VPS54: variants seen among roughly 807,000 people sequenced by gnomAD.
The protein encoded by VPS54 is VPS54 subunit of GARP complex.
VPS54 carries 45 observed loss-of-function variants against 121.5 expected under a neutral mutation model. That is an observed-to-expected ratio of 0.37 (90% confidence interval 0.29 to 0.47). The LOEUF (loss-of-function observed/expected upper bound fraction) is 0.47, where lower values mean the gene tolerates loss of function less well. Ranked by LOEUF, VPS54 falls within the 20% of genes least tolerant of loss-of-function variation. The pLI is 0.99. For missense variants in VPS54, 1,090 were observed against 1,131.4 expected, an observed-to-expected ratio of 0.96 and a Z score of 0.52; for synonymous variants, 371 against 385.8, an observed-to-expected ratio of 0.96 and a Z score of 0.45.
intron 22 of VPS54, among the ~76,000 whole-genome samples, chr2:63,896,361 GAGA>G (rs955898839): frequency 3.3e-5 from 5 of 152,110 alleles, no homozygotes; most frequent in Admixed American, 1.3e-4. Flanking sequence ...GGGTGGGAGG[GAGA>G]AGGAGCAAAA....
chr2:63,924,458 G>T (rs1488857415), intron 12 of VPS54, among the ~76,000 whole-genome samples: 1 of 152,156 alleles, frequency 6.6e-6, no homozygotes, highest in Non-Finnish European at 1.5e-5. Flanking sequence ...ATTTGTAAAA[G>T]ACCAAGAAGA....
intron 10 of VPS54, 57 bp downstream of exon 10, chr2:63,944,543 T>A (rs1559011156): frequency 8.8e-6 from 13 of 1,471,322 alleles, no homozygotes; most frequent in Non-Finnish European, 1.2e-5. Context: ...TTATTCTAAT[T>A]TACATCTATC....
chr2:63,939,097 C>A (rs1281577562), intron 11 of VPS54, among the ~76,000 whole-genome samples: 1 of 152,014 alleles, frequency 6.6e-6, no homozygotes, highest in Non-Finnish European at 1.5e-5. Context: ...CCTTTAATTT[C>A]TTTTAAAAAG....
chr2:63,940,380 T>C (rs1459418475), intron 11 of VPS54, among the ~76,000 whole-genome samples: 3 of 152,210 alleles, frequency 2.0e-5, no homozygotes, highest in Non-Finnish European at 4.4e-5. Context: ...GTGGTCCAAA[T>C]GTGAAAATGA....
At chr2:63,932,238 C>T (rs1045538078) in intron 12 of VPS54, among the ~76,000 whole-genome samples, 4 of 152,142 alleles carry the variant, frequency 2.6e-5, no homozygotes, top group Non-Finnish European at 4.4e-5. Flanking sequence ...TTCACAATAG[C>T]AAAGACTTGG....
chr2:63,975,269 T>C (rs1161355116), intron 3 of VPS54: 2 of 406,530 alleles, frequency 4.9e-6, no homozygotes, highest in Admixed American at 3.6e-5. Context: ...GCTGTTCTTG[T>C]CCATTCTTGG....
At chr2:63,989,905 T>G (rs985619225) in intron 1 of VPS54, among the ~76,000 whole-genome samples, 1 of 152,090 alleles carries the variant, frequency 6.6e-6, no homozygotes, top group Admixed American at 6.5e-5. Context: ...CCATGGAAAA[T>G]ATGGTCACTC....
chr2:63,957,351 A>G (rs377463718), intron 7 of VPS54, among the ~76,000 whole-genome samples: 2 of 151,666 alleles, frequency 1.3e-5, no homozygotes, highest in East Asian at 3.9e-4. Flanking sequence ...CTGAGGCAGA[A>G]GAATGGCGTG....
intron 1 of VPS54, among the ~76,000 whole-genome samples, chr2:64,005,086 C>CTTTTTTTTTTTTTTTT (rs1559053926): frequency 1.3e-5 from 1 of 76,604 alleles, no homozygotes; most frequent in African/African-American, 5.8e-5. Flanking sequence ...TCTACTATTG[C>CTTTTTTTTTTTTTTTT]TTCTTTTTTT....
At chr2:63,913,946 T>C in intron 17 of VPS54, 1 of 1,295,890 alleles carries the variant, frequency 7.7e-7, no homozygotes, top group Non-Finnish European at 9.8e-7. Flanking sequence ...AATCATCTCC[T>C]GTCTCCAATG....
rs896733547 is a variant in VPS54 at position 64,009,083 on chromosome 2, C to A, written c.-21+9855G>T. ...TAAGTTTCATGCCTCTGTCTCTGCA[C>A]CAATAAAAAAATTTTAAATTATGTC... On this transcript the variant is annotated intron_variant, in intron 1 of 22. Transcript: ENST00000272322. Among the ~76,000 whole-genome samples, 42 of 152,146 alleles carry A rather than the reference C, an allele frequency of 2.8e-4. 1 individual carries two copies. The highest frequency in any genetic ancestry group is 2.4e-3 in the Admixed American group (37 of 15,282).
Position 63,913,280 on chromosome 2 carries a change from GAACT to G in VPS54, c.2361_2364del (p.Leu787PhefsTer12). The G allele has an allele frequency of 6.2e-7, 1 of 1,609,586 alleles. No individual in the cohort carries two copies. The highest frequency in any genetic ancestry group is 8.5e-7 in the Non-Finnish European group (1 of 1,178,276). ...ACAACTTGCAGTGCACCAGCTCCAAGAACTAACTGGCAACTTCTTGAATTGAAGT... is the reference window on the plus strand; with the variant it reads ...ACAACTTGCAGTGCACCAGCTCCAAGAACTGGCAACTTCTTGAATTGAAGT... On this transcript the variant is annotated frameshift_variant, in exon 18 of 23. Transcript: ENST00000272322. LOFTEE classifies it high-confidence loss of function.
chr2:63,999,823 T>C (rs1220984465), intron 1 of VPS54, among the ~76,000 whole-genome samples: 1 of 152,090 alleles, frequency 6.6e-6, no homozygotes, highest in Non-Finnish European at 1.5e-5. Context: ...TCAAAAAGCC[T>C]GTCTTCAAGC....
chr2:63,933,622 T>C, intron 12 of VPS54, 51 bp downstream of exon 12: 1 of 1,512,290 alleles, frequency 6.6e-7, no homozygotes, highest in Non-Finnish European at 9.0e-7. Flanking sequence ...CTGAATCCAT[T>C]AATAAGATGA....
At chr2:63,925,097 C>A (rs896389947) in intron 12 of VPS54, among the ~76,000 whole-genome samples, 12 of 152,042 alleles carry the variant, frequency 7.9e-5, no homozygotes, top group African/African-American at 2.9e-4. Context: ...CCAAAAAACC[C>A]AATAAGAGTG....
intron 3 of VPS54, among the ~76,000 whole-genome samples, chr2:63,978,376 A>G (rs533201579): frequency 2.1e-4 from 32 of 152,212 alleles, no homozygotes; most frequent in Non-Finnish European, 4.1e-4. Flanking sequence ...TTAAGGAGGT[A>G]CCCACTCTCA....
chr2:63,915,679 A>C (rs1673349452), intron 16 of VPS54, among the ~76,000 whole-genome samples: 1 of 152,166 alleles, frequency 6.6e-6, no homozygotes, highest in Non-Finnish European at 1.5e-5. Context: ...AATTATATTG[A>C]AGGGATGGGA....
At chr2:63,947,909 T>G (rs1051004440) in intron 8 of VPS54, among the ~76,000 whole-genome samples, 1 of 152,042 alleles carries the variant, frequency 6.6e-6, no homozygotes, top group African/African-American at 2.4e-5. Context: ...TGATTACAGC[T>G]CACTGCAGCC....
intron 15 of VPS54, among the ~76,000 whole-genome samples, chr2:63,918,735 C>T (rs902132110): frequency 6.6e-6 from 1 of 151,936 alleles, no homozygotes; most frequent in African/African-American, 2.4e-5. Context: ...GATTCGATTC[C>T]ATGCACCTTG....
Sources: allele counts gnomAD v4.1 joint callset (sites outside exome capture counted in the v4.1 genomes callset), GRCh38; gene constraint gnomAD v4.1.1; transcripts MANE v1.5; gene names NCBI Gene and HGNC (gene_info 2026-07-23, HGNC 2026-07-21).